PCDHB1: variants seen among roughly 807,000 people sequenced by gnomAD.
PCDHB1 encodes the protein protocadherin beta 1, also known as protocadherin beta-1.
In PCDHB1, 44 loss-of-function variants were observed where a neutral mutation model predicts 43.5. The ratio of observed to expected loss-of-function variants is 1.01; its 90% CI spans 0.79 to 1.30. PCDHB1 has a LOEUF of 1.30. Among genes scored for constraint, PCDHB1 ranks in the 50% most tolerant of loss-of-function variants. The probability of loss-of-function intolerance (pLI) is 0.00; values close to 1 mark genes in which losing one functional copy is unlikely to be tolerated. For synonymous variants in PCDHB1, 392 were observed against 400.8 expected (o/e 0.98, Z 0.26); for missense variants, 919 against 1,008.9 (o/e 0.91, Z 1.21).
chr5:141,057,163 C>T lies in PCDHB1; in HGVS notation c.*3236C>T, dbSNP rs562251952. 6.6e-6 allele frequency: 1 copy of T among 152,226 alleles called. No homozygotes were observed. The highest frequency in any genetic ancestry group is 2.4e-5 in the African/African-American group (1 of 41,534). The allele number at this position is 152,226 out of a possible 1,614,324, so 9.4% of individuals were successfully genotyped here. The stretch of plus-strand genomic sequence containing the variant: ...TGGACAGAAGATGTAGATTTGTCAA[C>T]TTTTTATTTTTTCACATTAAATGAG... On this transcript the variant is annotated 3_prime_UTR_variant, in exon 1 of 1. Transcript: ENST00000306549.
At position 141,052,589 on chromosome 5, in the gene PCDHB1, C is replaced by T. The variant is rs782399524; in HGVS notation, c.1119C>T (p.Asp373=). ...QTVVALFTIR[D]RDIRVGGKVT... is the part of the protein sequence containing the mutation. The stretch of plus-strand genomic sequence containing the variant: ...TAGTAGCCCTTTTCACTATCAGAGA[C>T]CGGGACATTCGAGTGGGAGGAAAAG... The change falls in exon 1 of 1, where the codon GAC becomes GAT. Residue 373 remains aspartate (D), a synonymous_variant. Transcript: ENST00000306549. 10 of 1,614,036 alleles carry T rather than the reference C, an allele frequency of 6.2e-6. No individual in the cohort carries two copies. In the African/African-American group the frequency reaches 1.3e-4, roughly 22 times the overall value.
At position 141,056,776 on chromosome 5, in the gene PCDHB1, T is replaced by C. The variant is rs1271128891; in HGVS notation, c.*2849T>C. The C allele has an allele frequency of 6.6e-6, 1 of 152,188 alleles. No homozygotes were observed. 9.4% of individuals were successfully genotyped at this position (152,188 alleles called of 1,614,324 possible). On this transcript the variant is annotated 3_prime_UTR_variant, in exon 1 of 1. Coordinates refer to ENST00000306549, the MANE Select transcript of PCDHB1 (RefSeq NM_013340.4). Reference sequence around the variant, plus strand: ...TACATTACCACGCCCAGCTAAATTTTGTGTTTTTAGTAGAGACGGGGCTTC... The same window carrying C: ...TACATTACCACGCCCAGCTAAATTTCGTGTTTTTAGTAGAGACGGGGCTTC...
In PCDHB1 at chr5:141,052,281, G is replaced by A. The variant is rs782456451; in HGVS notation, c.811G>A (p.Glu271Lys). Reference protein sequence around the residue: ...VATVTAVDLDEGTNKAITYSL... With the variant: ...VATVTAVDLDKGTNKAITYSL... ...CACGGTGACTGCCGTGGACCTAGAC[G>A]AGGGCACCAACAAAGCGATAACTTA... The change falls in exon 1 of 1, where the codon GAG becomes AAG. Residue 271 changes from glutamate to lysine, a missense_variant. Transcript: ENST00000306549. 1.1e-5 allele frequency: 18 copies of A among 1,614,172 alleles called. No individual in the cohort carries two copies. In the South Asian group the frequency reaches 2.0e-4, roughly 18 times the overall value.
In PCDHB1 at chr5:141,052,070, G is replaced by C. The variant is rs1248089484; in HGVS notation, c.600G>C (p.Leu200=). 2 of 1,614,154 alleles carry C rather than the reference G, an allele frequency of 1.2e-6. No individual in the cohort carries two copies. The highest frequency in any genetic ancestry group is 3.3e-4 in the Middle Eastern group (2 of 6,062). The change falls in exon 1 of 1, where the codon CTG becomes CTC. Residue 200 remains leucine, a synonymous_variant. Transcript: ENST00000306549. ...CTGAGCTGGTGCTGAACAAACCCCT[G>C]GACCGAGAGGAGCAGCCTGAAGTCA... ...KYAELVLNKP[L]DREEQPEVNL...
In PCDHB1 at chr5:141,054,049, A is replaced by G; in HGVS notation, c.*122A>G. On this transcript the variant is annotated 3_prime_UTR_variant, in exon 1 of 1. Transcript: ENST00000306549. ...TTGCAGCTTTAGTAAAGATAAGAGTACTTAGTTTGGTGAAAATGGGAAACC... is the reference window on the plus strand; with the variant it reads ...TTGCAGCTTTAGTAAAGATAAGAGTGCTTAGTTTGGTGAAAATGGGAAACC... 1.2e-6 allele frequency: 1 copy of G among 814,466 alleles called. No individual in the cohort carries two copies. The highest frequency in any genetic ancestry group is 2.6e-5 in the East Asian group (1 of 38,072). The allele number at this position is 814,466 out of a possible 1,614,324, so 50.5% of individuals were successfully genotyped here.
In PCDHB1 at chr5:141,052,947, C is replaced by A; in HGVS notation, c.1477C>A (p.Pro493Thr). 6.2e-6 allele frequency: 10 copies of A among 1,614,146 alleles called. No individual in the cohort carries two copies. The highest frequency in any genetic ancestry group is 8.5e-6 in the Non-Finnish European group (10 of 1,180,030). Residue 493 changes from proline (P) to threonine (T), a missense_variant, in exon 1 of 1, where the codon CCT becomes ACT. Pro to Thr is a conservative substitution (Grantham distance 38, BLOSUM62 -1). Coordinates refer to ENST00000306549, the MANE Select transcript of PCDHB1 (RefSeq NM_013340.4). ...ENAQITYSLL[P>T]PKNGDLSVFA... is the part of the protein sequence containing the mutation. ...TGCCCAAATAACATATTCTCTGTTG[C>A]CTCCAAAAAACGGAGATCTTTCAGT... is the stretch of plus-strand genomic sequence containing the variant.
Position 141,057,101 on chromosome 5 carries a change from G to A in PCDHB1, c.*3174G>A, listed in dbSNP as rs1751148663. 1 of 152,142 alleles carries A rather than the reference G, an allele frequency of 6.6e-6. No homozygotes were observed. The highest frequency in any genetic ancestry group is 2.1e-4 in the South Asian group (1 of 4,826). The allele number at this position is 152,142 out of a possible 1,614,324, so 9.4% of individuals were successfully genotyped here. A position where few individuals can be genotyped will look rare whatever the true frequency, so the allele number is the denominator to read the frequency against. On this transcript the variant is annotated 3_prime_UTR_variant, in exon 1 of 1. Transcript: ENST00000306549. ...TTAAGACTTTGATATTCAAATAGCA[G>A]TGAAATTCATGAATACATATATACA... is the stretch of plus-strand genomic sequence containing the variant.
rs1554267979 is a variant in PCDHB1 at position 141,058,277 on chromosome 5, T to TA, written c.*4351dup. 1 of 152,216 alleles carries TA rather than the reference T, an allele frequency of 6.6e-6. No individual in the cohort carries two copies. Among genetic ancestry groups the TA allele is most frequent in the Non-Finnish European group, 1.5e-5 (1 of 68,030 alleles). The allele number at this position is 152,216 out of a possible 1,614,324, so 9.4% of individuals were successfully genotyped here. A position where few individuals can be genotyped will look rare whatever the true frequency, so the allele number is the denominator to read the frequency against. On this transcript the variant is annotated 3_prime_UTR_variant, in exon 1 of 1. Coordinates refer to ENST00000306549, the MANE Select transcript of PCDHB1 (RefSeq NM_013340.4). Reference sequence around the variant, plus strand: ...ACCACCTGTGACAGTTCCTTACTCTTACCTTGTCTATCATGACTTGAGATT... The same window carrying TA: ...ACCACCTGTGACAGTTCCTTACTCTTAACCTTGTCTATCATGACTTGAGATT...
In PCDHB1 at chr5:141,051,579, G is replaced by C. The variant is rs1363343971; in HGVS notation, c.109G>C (p.Glu37Gln). 1.2e-6 allele frequency: 2 copies of C among 1,614,148 alleles called. No individual in the cohort carries two copies. The highest frequency in any genetic ancestry group is 1.7e-6 in the Non-Finnish European group (2 of 1,180,050). Reference sequence around the variant, plus strand: ...GACAACTATCCGCTATTCAGTGGCAGAGGAAATGGAGAGCGGCTCGTTTGT... The same window carrying C: ...GACAACTATCCGCTATTCAGTGGCACAGGAAATGGAGAGCGGCTCGTTTGT... ...DATTIRYSVA[E>Q]EMESGSFVAN... Residue 37 changes from glutamate to glutamine, a missense_variant, in exon 1 of 1, where the codon GAG (glutamate) becomes CAG (glutamine). Physicochemically the swap from Glu to Gln is conservative, Grantham distance 29. Transcript: ENST00000306549.
In PCDHB1 at chr5:141,053,303, T is replaced by C; in HGVS notation, c.1833T>C (p.Thr611=). ...TTTCATATCATCTACTTAAGGCCAC[T>C]GACCTTGGGTTATTTTCTGTTCAAA... is the stretch of plus-strand genomic sequence containing the variant. ...SWLSYHLLKA[T]DLGLFSVQRQ... is the part of the protein sequence containing the mutation. The change falls in exon 1 of 1, where the codon ACT becomes ACC. Residue 611 remains threonine, a synonymous_variant. Transcript: ENST00000306549. 1.2e-6 allele frequency: 2 copies of C among 1,614,252 alleles called. No homozygotes were observed. The highest frequency in any genetic ancestry group is 2.2e-5 in the South Asian group (2 of 91,080).
In PCDHB1 at chr5:141,052,112, G is replaced by A. The variant is rs1235240765; in HGVS notation, c.642G>A (p.Ala214=). 2 of 1,612,968 alleles carry A rather than the reference G, an allele frequency of 1.2e-6. No individual in the cohort carries two copies. The highest frequency in any genetic ancestry group is 1.7e-6 in the Non-Finnish European group (2 of 1,179,574). Residue 214 remains alanine (A), a synonymous_variant, in exon 1 of 1, where the codon GCG becomes GCA. Transcript: ENST00000306549. ...CTGAAGTCAACTTGACAATTACGGC[G>A]GTGGACGGCGGGTCCCCGCCTAAGT... ...EQPEVNLTIT[A]VDGGSPPKSG... is the part of the protein sequence containing the mutation.
At position 141,053,368 on chromosome 5, in the gene PCDHB1, A is replaced by G. The variant is rs868981270; in HGVS notation, c.1898A>G (p.Glu633Gly). 6.2e-7 allele frequency: 1 copy of G among 1,614,196 alleles called. No individual in the cohort carries two copies. Among genetic ancestry groups the G allele is most frequent in the African/African-American group, 1.3e-5 (1 of 75,054 alleles). The change falls in exon 1 of 1, where the codon GAG (glutamate) becomes GGG (glycine). Residue 633 changes from glutamate to glycine, a missense_variant. Coordinates refer to ENST00000306549, the MANE Select transcript of PCDHB1 (RefSeq NM_013340.4). Reference sequence around the variant, plus strand: ...ATCCATACATTAAGGCAGATATCTGAGAGAGACCCCATGATGCAGAAATTG... The same window carrying G: ...ATCCATACATTAAGGCAGATATCTGGGAGAGACCCCATGATGCAGAAATTG... ...GEIHTLRQIS[E>G]RDPMMQKLII...
Position 141,054,122 on chromosome 5 carries a change from CAG to C in PCDHB1, c.*197_*198del. On this transcript the variant is annotated 3_prime_UTR_variant, in exon 1 of 1. Coordinates refer to ENST00000306549, the MANE Select transcript of PCDHB1 (RefSeq NM_013340.4). ...AATACAAAGCAGTTATCCTGATCCC[CAG>C]ATCATATATCTATAACCCTTTCTCC... 1.8e-6 allele frequency: 1 copy of C among 552,138 alleles called. No homozygotes were observed. The highest frequency in any genetic ancestry group is 3.2e-6 in the Non-Finnish European group (1 of 311,588). 34.2% of individuals were successfully genotyped at this position (552,138 alleles called of 1,614,324 possible). A position where few individuals can be genotyped will look rare whatever the true frequency, so the allele number is the denominator to read the frequency against.
Position 141,053,010 on chromosome 5 carries a change from C to G in PCDHB1, c.1540C>G (p.Leu514Val), listed in dbSNP as rs1461472051. ...ATCCATAAATTCAGGCAATGGGAAG[C>G]TCTACGCGCTGAGAACCATGGATTA... is the stretch of plus-strand genomic sequence containing the variant. Reference protein sequence around the residue: ...YISINSGNGKLYALRTMDYEA... With the variant: ...YISINSGNGKVYALRTMDYEA... The change falls in exon 1 of 1, where the codon CTC becomes GTC. Residue 514 changes from leucine to valine, a missense_variant. Leu to Val is a conservative substitution (Grantham distance 32). Coordinates refer to ENST00000306549, the MANE Select transcript of PCDHB1 (RefSeq NM_013340.4). 1.9e-6 allele frequency: 3 copies of G among 1,614,194 alleles called. No homozygotes were observed. In the East Asian group the frequency reaches 6.7e-5, roughly 36 times the overall value.
rs141650927 is a variant in PCDHB1, at chr5:141,053,772, T to G, written c.2302T>G (p.Phe768Val). The change falls in exon 1 of 1, where the codon TTT becomes GTT. Residue 768 changes from phenylalanine to valine, a missense_variant. Phe to Val is a conservative substitution (Grantham distance 50, BLOSUM62 -1). Coordinates refer to ENST00000306549, the MANE Select transcript of PCDHB1 (RefSeq NM_013340.4). ...AGCCACTGGCACTGGTAATAGTGAG[T>G]TTCGCTTTCTTAAGCGTTTTATGCC... The part of the protein sequence containing the change: ...CSATGTGNSE[F>V]RFLKRFMPNF... 252 of 1,614,076 alleles carry G rather than the reference T, an allele frequency of 1.6e-4. No individual in the cohort carries two copies. Among genetic ancestry groups the G allele is most frequent in the Non-Finnish European group, 2.1e-4 (243 of 1,180,024 alleles).
rs558402868 is a variant in PCDHB1 at position 141,051,705 on chromosome 5, C to A, written c.235C>A (p.Arg79Ser). 51 of 1,614,238 alleles carry A rather than the reference C, an allele frequency of 3.2e-5. No individual in the cohort carries two copies. In the East Asian group the frequency reaches 1.1e-3, roughly 35 times the overall value. The stretch of plus-strand genomic sequence containing the variant: ...CAACAAAATGCATTTCCGGCTCCAC[C>A]GCAAGACGGGAGATTTGTTTGTGAA... Reference protein sequence around the residue: ...EGNKMHFRLHRKTGDLFVKEK... With the variant: ...EGNKMHFRLHSKTGDLFVKEK... Residue 79 changes from arginine (R) to serine (S), a missense_variant, in exon 1 of 1, where the codon CGC becomes AGC. Transcript: ENST00000306549.
At position 141,058,676 on chromosome 5, in the gene PCDHB1, C is replaced by A. The variant is rs1038859454; in HGVS notation, c.*4749C>A. The A allele has an allele frequency of 2.0e-4, 31 of 152,108 alleles. No individual in the cohort carries two copies. The highest frequency in any genetic ancestry group is 7.5e-4 in the African/African-American group (31 of 41,432). The allele number at this position is 152,108 out of a possible 1,614,324, so 9.4% of individuals were successfully genotyped here. A position where few individuals can be genotyped will look rare whatever the true frequency, so the allele number is the denominator to read the frequency against. ...AATTAATAAACACTTGGGGGATATG[C>A]TTTGAAACTATGCAAATATGATGTT... is the stretch of plus-strand genomic sequence containing the variant. On this transcript the variant is annotated 3_prime_UTR_variant, in exon 1 of 1. Transcript: ENST00000306549.
Position 141,052,939 on chromosome 5 carries a change from C to A in PCDHB1, c.1469C>A (p.Ser490Tyr), listed in dbSNP as rs1554267338. 4 of 1,614,210 alleles carry A rather than the reference C, an allele frequency of 2.5e-6. No individual in the cohort carries two copies. Among genetic ancestry groups the A allele is most frequent in the East Asian group, 2.2e-5 (1 of 44,882 alleles). The change falls in exon 1 of 1, where the codon TCT (serine) becomes TAT (tyrosine). Residue 490 changes from serine (S) to tyrosine (Y), a missense_variant. Ser to Tyr is a moderately radical substitution (Grantham distance 144, BLOSUM62 -2). Transcript: ENST00000306549. ...GGTGAGAATGCCCAAATAACATATTCTCTGTTGCCTCCAAAAAACGGAGAT... is the reference window on the plus strand; with the variant it reads ...GGTGAGAATGCCCAAATAACATATTATCTGTTGCCTCCAAAAAACGGAGAT... ...DLGENAQITYSLLPPKNGDLS... is the reference protein window; with the variant it reads ...DLGENAQITYYLLPPKNGDLS...
chr5:141,053,089 T>C lies in PCDHB1; in HGVS notation c.1619T>C (p.Leu540Pro). ...FVVKATDGGF[L>P]SLSSQVTVRV... ...GTAAAGGCAACTGATGGGGGCTTCC[T>C]GTCACTGAGTAGCCAAGTTACTGTC... The change falls in exon 1 of 1, where the codon CTG becomes CCG. Residue 540 changes from leucine (L) to proline (P), a missense_variant. Leu to Pro is a moderately conservative substitution (Grantham distance 98). Transcript: ENST00000306549. The C allele has an allele frequency of 6.2e-7, 1 of 1,614,196 alleles. No individual in the cohort carries two copies. The highest frequency in any genetic ancestry group is 8.5e-7 in the Non-Finnish European group (1 of 1,180,016).
Sources: allele counts gnomAD v4.1 joint callset, GRCh38; gene constraint gnomAD v4.1.1; transcripts MANE v1.5; gene names NCBI Gene and HGNC (gene_info 2026-07-23, HGNC 2026-07-21).